Variants in MALRD1 observed in about 807,000 individuals in gnomAD.
MALRD1 encodes the protein MAM and LDL-receptor class A domain-containing protein 1.
In MALRD1, 247 loss-of-function variants were observed where a neutral mutation model predicts 242.1. The observed-to-expected ratio is 1.02, with a 90% confidence interval of 0.92 to 1.13. MALRD1 has a LOEUF of 1.13. Ranked by LOEUF, MALRD1 falls within the 50% of genes most tolerant of loss-of-function variation. MALRD1 has a pLI of 0.00. For synonymous variants in MALRD1, 995 were observed against 866.6 expected (o/e 1.15, Z -2.60); for missense variants, 2,989 against 2,533.1 (o/e 1.18, Z -3.86).
rs185036862 is a variant in MALRD1, at chr10:19,350,229, G to A, written c.4150-1777G>A. 2.0e-5 allele frequency among the ~76,000 whole-genome samples: 3 copies of A among 150,974 alleles called. No individual in the cohort carries two copies. The East Asian group carries it at 5.9e-4, about 30-fold the overall frequency. On this transcript the variant is annotated intron_variant, in intron 25 of 39. Transcript: ENST00000454679. ...TATAGGAAGGATCCATGTAGAGGGT[G>A]ATGAGAGAAGAGATGAGACCTTAAT...
chr10:19,333,369 C>T (rs1843471760), intron 24 of MALRD1, among the ~76,000 whole-genome samples: 1 of 152,126 alleles, frequency 6.6e-6, no homozygotes. Context: ...CATTGTTGAG[C>T]ATCCACTTAT....
intron 36 of MALRD1, among the ~76,000 whole-genome samples, chr10:19,689,601 C>T (rs1465556097): frequency 6.6e-6 from 1 of 151,924 alleles, no homozygotes; most frequent in Non-Finnish European, 1.5e-5. Flanking sequence ...ATGTTTCTAC[C>T]TTACAAAGTC....
At chr10:19,417,143 A>T (rs1420072186) in intron 28 of MALRD1, among the ~76,000 whole-genome samples, 1 of 152,072 alleles carries the variant, frequency 6.6e-6, no homozygotes, top group Non-Finnish European at 1.5e-5. Context: ...CCAGTTTCTA[A>T]ATACTGGATT....
intron 24 of MALRD1, among the ~76,000 whole-genome samples, chr10:19,344,720 TG>T (rs71507279): frequency 0.079 from 11,187 of 142,484 alleles, 889 homozygotes; most frequent in African/African-American, 0.21. Flanking sequence ...CCATGTCAAT[TG>T]GGGGGGGGGA....
chr10:19,417,903 A>G (rs1833571360), intron 28 of MALRD1, among the ~76,000 whole-genome samples: 1 of 152,032 alleles, frequency 6.6e-6, no homozygotes, highest in Non-Finnish European at 1.5e-5. Context: ...TCATTTCCTT[A>G]TTGTTCAACA....
At chr10:19,629,568 AG>A (rs1401533021) in intron 36 of MALRD1, among the ~76,000 whole-genome samples, 5 of 152,162 alleles carry the variant, frequency 3.3e-5, no homozygotes, top group Non-Finnish European at 7.3e-5. Flanking sequence ...CAGTTTTCCT[AG>A]TATGTGCACG....
intron 29 of MALRD1, among the ~76,000 whole-genome samples, chr10:19,485,807 C>T (rs1415815420): frequency 1.3e-5 from 2 of 151,952 alleles, no homozygotes; most frequent in Non-Finnish European, 2.9e-5. Context: ...TACATAACTA[C>T]TTCCAATTAT....
chr10:19,660,975 G>T (rs1057127824), intron 36 of MALRD1, among the ~76,000 whole-genome samples: 3 of 152,112 alleles, frequency 2.0e-5, no homozygotes, highest in Admixed American at 6.6e-5. Context: ...GTGGGCGAAG[G>T]ATATGAACAG....
At chr10:19,641,470 G>A (rs928117010) in intron 36 of MALRD1, among the ~76,000 whole-genome samples, 1 of 152,100 alleles carries the variant, frequency 6.6e-6, no homozygotes, top group South Asian at 2.1e-4. Context: ...CCTGCACTAA[G>A]AAAGATGTAT....
At chr10:19,726,590 T>A (rs1386852951) in intron 38 of MALRD1, among the ~76,000 whole-genome samples, 1 of 152,136 alleles carries the variant, frequency 6.6e-6, no homozygotes, top group African/African-American at 2.4e-5. Flanking sequence ...TCAATTCAAC[T>A]CCTAGTTATA....
chr10:19,313,947 A>G (rs1304881832), intron 21 of MALRD1, among the ~76,000 whole-genome samples: 1 of 151,498 alleles, frequency 6.6e-6, no homozygotes, highest in Non-Finnish European at 1.5e-5. Context: ...TTTTTATTTC[A>G]TGAGACTAGG....
At chr10:19,193,208 G>A (rs181565388) in intron 14 of MALRD1, among the ~76,000 whole-genome samples, 170 of 152,246 alleles carry the variant, frequency 1.1e-3, no homozygotes, top group Non-Finnish European at 1.7e-3. Flanking sequence ...AGAGGGAATG[G>A]GAAGTAGTGA....
At chr10:19,442,695 T>C (rs1333877648) in intron 28 of MALRD1, among the ~76,000 whole-genome samples, 1 of 152,180 alleles carries the variant, frequency 6.6e-6, no homozygotes, top group African/African-American at 2.4e-5. Flanking sequence ...GATAAGCTTT[T>C]TGATGTGCCG....
chr10:19,145,653 TAA>T lies in MALRD1; in HGVS notation c.1412-529_1412-528del, dbSNP rs71507276. ...TGGGTGACAGAGCGAGACTCTGCCT[TAA>T]AAAAAAAAAAAAAAAGACAAAAGAT... On this transcript the variant is annotated intron_variant, in intron 10 of 39. Coordinates refer to ENST00000454679, the MANE Select transcript of MALRD1 (RefSeq NM_001142308.3). Among the ~76,000 whole-genome samples, 490 of 134,482 alleles carry T rather than the reference TAA, an allele frequency of 3.6e-3. 1 individual carries two copies. Among genetic ancestry groups the T allele is most frequent in the Middle Eastern group, 3.8e-3 (1 of 260 alleles). 88.2% of individuals were successfully genotyped at this position (134,482 alleles called of 152,430 possible).
At chr10:19,540,878 G>A (rs1406410221) in intron 32 of MALRD1, among the ~76,000 whole-genome samples, 1 of 152,168 alleles carries the variant, frequency 6.6e-6, no homozygotes, top group African/African-American at 2.4e-5. Flanking sequence ...ACTTTGGGAG[G>A]CCAAAGCAGG....
intron 1 of MALRD1, among the ~76,000 whole-genome samples, chr10:19,064,132 T>C (rs1193759417): frequency 1.3e-5 from 2 of 152,154 alleles, no homozygotes; most frequent in Non-Finnish European, 2.9e-5. Flanking sequence ...GCAGTACATC[T>C]GACCTTTGGG....
At chr10:19,502,850 T>A (rs1269722880) in intron 31 of MALRD1, among the ~76,000 whole-genome samples, 1 of 152,160 alleles carries the variant, frequency 6.6e-6, no homozygotes, top group Admixed American at 6.5e-5. Flanking sequence ...TCAATAGATA[T>A]GAGAAAGTTT....
chr10:19,293,919 C>T (rs908466983), intron 21 of MALRD1, among the ~76,000 whole-genome samples: 6 of 152,010 alleles, frequency 3.9e-5, no homozygotes, highest in South Asian at 2.1e-4. Flanking sequence ...TACAAAAAAA[C>T]GAAATGCAGT....
At chr10:19,271,737 T>C (rs1207754478) in intron 19 of MALRD1, among the ~76,000 whole-genome samples, 1 of 152,242 alleles carries the variant, frequency 6.6e-6, no homozygotes, top group Non-Finnish European at 1.5e-5. Context: ...CACTCCATCC[T>C]GGGCAACAGA....
Sources: gnomAD v4.1 joint callset for allele counts (sites outside exome capture counted in the v4.1 genomes callset) on GRCh38, gnomAD v4.1.1 for gene constraint, MANE v1.5 for transcripts, NCBI Gene and HGNC (gene_info 2026-07-23, HGNC 2026-07-21) for gene names.